The following BAIAP2 variants were observed in gnomAD, a reference collection of about 807,000 sequenced individuals.
BAIAP2 encodes BAR/IMD domain-containing adapter protein 2.
BAIAP2 carries 18 observed loss-of-function variants against 63.0 expected under a neutral mutation model. That is an observed-to-expected ratio of 0.29 (90% confidence interval 0.20 to 0.42). BAIAP2 has a LOEUF of 0.42. Ranked by LOEUF, BAIAP2 falls within the 10% of genes least tolerant of loss-of-function variation. The pLI is 1.00. For synonymous variants in BAIAP2, 386 were observed against 307.6 expected (o/e 1.25, Z -2.67); for missense variants, 610 against 734.3 (o/e 0.83, Z 1.96).
intron 3 of BAIAP2, among the ~76,000 whole-genome samples, chr17:81,069,862 G>A (rs531826420): frequency 6.6e-4 from 101 of 152,340 alleles, no homozygotes; most frequent in Non-Finnish European, 1.3e-3. Flanking sequence ...CGTGGGACCT[G>A]AACAGGCAGC....
chr17:81,066,023 CCTGT>C (rs759032522), intron 3 of BAIAP2, among the ~76,000 whole-genome samples: 3 of 152,254 alleles, frequency 2.0e-5, no homozygotes, highest in Non-Finnish European at 4.4e-5. Flanking sequence ...GCATGTCCAG[CCTGT>C]CTATCTGGGG....
intron 13 of BAIAP2, chr17:81,110,250 A>ACC: frequency 1.1e-6 from 1 of 881,446 alleles, no homozygotes; most frequent in South Asian, 5.6e-5. Flanking sequence ...CAAGACGCGG[A>ACC]CCGCGTGACA....
chr17:81,080,394 G>C (rs953170682), intron 3 of BAIAP2, among the ~76,000 whole-genome samples: 2 of 152,252 alleles, frequency 1.3e-5, no homozygotes, highest in South Asian at 2.1e-4. Context: ...GCGGGCACAC[G>C]CCTGGTCTGT....
chr17:81,053,259 C>T (rs932123457), intron 1 of BAIAP2: 7 of 187,042 alleles, frequency 3.7e-5, no homozygotes, highest in Non-Finnish European at 7.8e-5. Context: ...GAGGGGGGTG[C>T]CGGCGTCGTT....
chr17:81,055,031 G>T (rs576437442), intron 2 of BAIAP2, among the ~76,000 whole-genome samples: 2 of 152,332 alleles, frequency 1.3e-5, no homozygotes, highest in African/African-American at 4.8e-5. Flanking sequence ...GCAGGGAGGA[G>T]ATCGTGTGTT....
At position 81,055,569 on chromosome 17, in the gene BAIAP2, G is replaced by GGTTTTTTTTTTTTTT. The variant is rs138656369; in HGVS notation, c.130+1826_130+1827insGTTTTTTTTTTTTTT. ...TTCCTCCAGCGAAAGTCTGCAGGGT[G>GGTTTTTTTTTTTTTT]TTTTGTTTTTTTTTGAGACGGAGTC... On this transcript the variant is annotated intron_variant, in intron 2 of 13. Coordinates refer to ENST00000428708, the MANE Select transcript of BAIAP2 (RefSeq NM_001144888.2). Among the ~76,000 whole-genome samples the GGTTTTTTTTTTTTTT allele has an allele frequency of 3.2e-3, 302 of 93,834 alleles. 16 individuals carry two copies. Among genetic ancestry groups the GGTTTTTTTTTTTTTT allele is most frequent in the African/African-American group, 8.7e-3 (213 of 24,498 alleles). 61.6% of individuals were successfully genotyped at this position (93,834 alleles called of 152,430 possible).
chr17:81,036,815 A>G (rs751785472), intron 1 of BAIAP2: 5 of 1,462,012 alleles, frequency 3.4e-6, no homozygotes, highest in Non-Finnish European at 4.6e-6. Context: ...AGGGAGGTTT[A>G]TTAAATTATT....
intron 6 of BAIAP2, among the ~76,000 whole-genome samples, chr17:81,096,913 G>A (rs566674490): frequency 1.1e-4 from 16 of 152,324 alleles, no homozygotes; most frequent in African/African-American, 1.7e-4. Context: ...AAAGTACTTC[G>A]CGCTCCAGCT....
chr17:81,086,925 C>T (rs1204438067), intron 6 of BAIAP2: 9 of 205,350 alleles, frequency 4.4e-5, no homozygotes, highest in Middle Eastern at 1.8e-3. Context: ...TCGTGGCCTC[C>T]GCCTGCAGGG....
intron 6 of BAIAP2, chr17:81,087,498 C>T (rs559205031): frequency 1.3e-5 from 2 of 152,358 alleles, no homozygotes; most frequent in African/African-American, 4.8e-5. Context: ...GCCTGTGCCC[C>T]CGCTCCCTGC....
intron 13 of BAIAP2, among the ~76,000 whole-genome samples, chr17:81,113,635 G>A (rs1312533907): frequency 2.2e-5 from 3 of 139,136 alleles, no homozygotes; most frequent in African/African-American, 5.2e-5. Context: ...CCCTGCCCCC[G>A]TCAGGCTGAG....
rs1342914435 is a variant in BAIAP2 at position 81,103,569 on chromosome 17, C to T, written c.710C>T (p.Pro237Leu). ...QQACADPSKI[P>L]ERAVQLMQQV... Reference sequence around the variant, plus strand: ...GCCTGTGCCGACCCCAGCAAGATCCCGGAGCGCGCGGTGCAGCTCATGCAG... The same window carrying T: ...GCCTGTGCCGACCCCAGCAAGATCCTGGAGCGCGCGGTGCAGCTCATGCAG... The change falls in exon 8 of 14, where the codon CCG becomes CTG. Residue 237 changes from proline (P) to leucine (L), a missense_variant. By Grantham distance (98) the Pro-to-Leu change is moderately conservative. This residue lies in a region of BAIAP2 where 389 missense variants were observed against 455.6 expected (regional missense o/e 0.85). Transcript: ENST00000428708. The T allele has an allele frequency of 3.7e-6, 6 of 1,601,694 alleles. No individual in the cohort carries two copies. The highest frequency in any genetic ancestry group is 2.7e-5 in the African/African-American group (2 of 74,888).
At position 81,038,765 on chromosome 17, in the gene BAIAP2, C is replaced by T. The variant is rs548125162; in HGVS notation, c.54+3457C>T. 7.2e-5 allele frequency among the ~76,000 whole-genome samples: 11 copies of T among 152,362 alleles called. No individual in the cohort carries two copies. The South Asian group carries it at 2.1e-3, about 29-fold the overall frequency. Reference sequence around the variant, plus strand: ...CCCGGCTGCCCGGGCCTGGCTGTTCCTCTCTGCCACATCCAGCTTCTTCCT... The same window carrying T: ...CCCGGCTGCCCGGGCCTGGCTGTTCTTCTCTGCCACATCCAGCTTCTTCCT... On this transcript the variant is annotated intron_variant, in intron 1 of 13. Coordinates refer to ENST00000428708, the MANE Select transcript of BAIAP2 (RefSeq NM_001144888.2).
intron 3 of BAIAP2, chr17:81,083,960 C>T (rs2055097903): frequency 6.6e-6 from 1 of 152,180 alleles, no homozygotes; most frequent in Non-Finnish European, 1.5e-5. Flanking sequence ...GGACTCAGAC[C>T]CACATCAGGG....
intron 1 of BAIAP2, among the ~76,000 whole-genome samples, chr17:81,051,835 A>G (rs946301305): frequency 3.3e-5 from 5 of 152,180 alleles, no homozygotes; most frequent in Non-Finnish European, 5.9e-5. Flanking sequence ...GACTACAGGC[A>G]TGCACCACCA....
chr17:81,070,775 G>C (rs779400940), intron 3 of BAIAP2, among the ~76,000 whole-genome samples: 1 of 152,186 alleles, frequency 6.6e-6, no homozygotes, highest in South Asian at 2.1e-4. Flanking sequence ...GGGAGCCCCC[G>C]TCTGCCTGGG....
At chr17:81,044,410 C>T (rs1387432897) in intron 1 of BAIAP2, among the ~76,000 whole-genome samples, 1 of 152,228 alleles carries the variant, frequency 6.6e-6, no homozygotes, top group Non-Finnish European at 1.5e-5. Flanking sequence ...ACAGGACGGC[C>T]GTGGCACCTG....
chr17:81,113,837 C>T (rs1170763998), intron 13 of BAIAP2, among the ~76,000 whole-genome samples: 1 of 152,172 alleles, frequency 6.6e-6, no homozygotes. Context: ...AAGCGATGTG[C>T]CTTTGCCACT....
chr17:81,057,831 T>C, intron 2 of BAIAP2, 50 bp from the exon 3 acceptor site: 1 of 1,580,408 alleles, frequency 6.3e-7, no homozygotes, highest in Non-Finnish European at 8.6e-7. Context: ...GCTGGGGGTC[T>C]TGTCTGTCCC....
Sources: allele counts gnomAD v4.1 joint callset (sites outside exome capture counted in the v4.1 genomes callset), GRCh38; gene constraint gnomAD v4.1.1; regional missense constraint gnomAD v4.1.1; transcripts MANE v1.5; gene names NCBI Gene and HGNC (gene_info 2026-07-23, HGNC 2026-07-21).